The following PREX2 variants were observed in gnomAD, a reference collection of about 807,000 sequenced individuals.
The protein encoded by PREX2 is phosphatidylinositol-3,4,5-trisphosphate dependent Rac exchange factor 2.
A neutral mutation model predicts 203.2 loss-of-function variants in PREX2; 107 were observed. The ratio of observed to expected loss-of-function variants is 0.53; its 90% CI spans 0.45 to 0.62. The LOEUF (loss-of-function observed/expected upper bound fraction) is 0.62, where lower values mean the gene tolerates loss of function less well. Among genes scored for constraint, PREX2 ranks in the 20% least tolerant of loss-of-function variants. The pLI is 0.00. For synonymous variants in PREX2, 672 were observed against 663.6 expected (o/e 1.01, Z -0.19); for missense variants, 1,777 against 1,955.9 (o/e 0.91, Z 1.72).
At chr8:68,038,444 T>C in intron 7 of PREX2, 152 bp downstream of exon 7, 3 of 749,320 alleles carry the variant, frequency 4.0e-6, no homozygotes, top group South Asian at 4.0e-5. Flanking sequence ...TCTTCACATA[T>C]ATTCAGTCTG....
At chr8:68,153,426 C>CT (rs1163186250) in intron 34 of PREX2, among the ~76,000 whole-genome samples, 1 of 152,006 alleles carries the variant, frequency 6.6e-6, no homozygotes, top group Admixed American at 6.6e-5. Context: ...TTAGGTTTTC[C>CT]TTTTTTGCTG....
chr8:68,095,877 A>C (rs1810054809), intron 21 of PREX2, among the ~76,000 whole-genome samples: 1 of 152,068 alleles, frequency 6.6e-6, no homozygotes, highest in African/African-American at 2.4e-5. Flanking sequence ...TCTTGAGCTT[A>C]AGTGATCCTC....
At chr8:68,044,654 G>A in intron 8 of PREX2, 64 bp downstream of exon 8, 2 of 1,135,826 alleles carry the variant, frequency 1.8e-6, no homozygotes, top group South Asian at 1.3e-5. Context: ...TTGTAAGACA[G>A]ATTTCTCACT....
chr8:68,170,405 C>T (rs1466419606), intron 35 of PREX2, among the ~76,000 whole-genome samples: 1 of 152,234 alleles, frequency 6.6e-6, no homozygotes, highest in African/African-American at 2.4e-5. Context: ...CCGGCCAAGG[C>T]CACATGGCTG....
intron 23 of PREX2, chr8:68,105,160 A>T: frequency 7.3e-7 from 1 of 1,367,856 alleles, no homozygotes; most frequent in Non-Finnish European, 9.8e-7. Context: ...GAAAGGTTTT[A>T]CAATTTCACA....
chr8:68,060,692 T>C lies in PREX2; in HGVS notation c.1252T>C (p.Trp418Arg). 6.2e-7 allele frequency: 1 copy of C among 1,610,982 alleles called. No individual in the cohort carries two copies. The highest frequency in any genetic ancestry group is 8.5e-7 in the Non-Finnish European group (1 of 1,179,094). ...TTTCTCTTGCAGCGAATTTGTGTCA[T>C]GGCTGTTGGAAATTGGAGAGATTCA... Reference protein sequence around the residue: ...KCFLGSEFVSWLLEIGEIHRP... With the variant: ...KCFLGSEFVSRLLEIGEIHRP... The change falls in exon 11 of 40, where the codon TGG becomes CGG. Residue 418 changes from tryptophan (W) to arginine (R), a missense_variant. By Grantham distance (101) the Trp-to-Arg change is moderately radical. Coordinates refer to ENST00000288368, the MANE Select transcript of PREX2 (RefSeq NM_024870.4).
intron 37 of PREX2, among the ~76,000 whole-genome samples, chr8:68,193,597 T>C (rs1464159282): frequency 2.6e-5 from 4 of 152,034 alleles, no homozygotes; most frequent in African/African-American, 9.7e-5. Flanking sequence ...TTCAAAAATA[T>C]TAACAAAAAT....
Position 68,119,530 on chromosome 8 carries a change from T to C in PREX2, c.3504+16T>C. 1 of 1,592,016 alleles carries C rather than the reference T, an allele frequency of 6.3e-7. No individual in the cohort carries two copies. On this transcript the variant is annotated intron_variant, in intron 28 of 39. Coordinates refer to ENST00000288368, the MANE Select transcript of PREX2 (RefSeq NM_024870.4). ...TTTCAGCCAGGTACAATCGGGCATTTGTGGGGCTTTTGTTCCACAACTAAA... is the reference window on the plus strand; with the variant it reads ...TTTCAGCCAGGTACAATCGGGCATTCGTGGGGCTTTTGTTCCACAACTAAA...
At chr8:68,110,800 A>G (rs1810519176) in intron 25 of PREX2, 1 of 213,760 alleles carries the variant, frequency 4.7e-6, no homozygotes, top group Non-Finnish European at 9.6e-6. Flanking sequence ...TATTTTAAAA[A>G]TTATCCTCAA....
chr8:68,035,648 T>C (rs1457103579), intron 6 of PREX2, among the ~76,000 whole-genome samples: 1 of 152,134 alleles, frequency 6.6e-6, no homozygotes, highest in Non-Finnish European at 1.5e-5. Flanking sequence ...AGGATAATAT[T>C]TTTAGACAAA....
chr8:68,011,787 A>G (rs539299661), intron 1 of PREX2, among the ~76,000 whole-genome samples: 2 of 152,280 alleles, frequency 1.3e-5, no homozygotes, highest in South Asian at 4.1e-4. Context: ...TGTTAAAATA[A>G]TAATTTTGTA....
Position 68,099,677 on chromosome 8 carries a change from T to C in PREX2, c.2554-5T>C. Reference sequence around the variant, plus strand: ...GTGGGTGTGCGTGTGTGTTTGTCATTGCAGATTCTTGAAGCCCTGGCTAAA... The same window carrying C: ...GTGGGTGTGCGTGTGTGTTTGTCATCGCAGATTCTTGAAGCCCTGGCTAAA... On this transcript the variant is annotated splice_region_variant and splice_polypyrimidine_tract_variant and intron_variant, in intron 22 of 39. Coordinates refer to ENST00000288368, the MANE Select transcript of PREX2 (RefSeq NM_024870.4). 1 of 1,612,730 alleles carries C rather than the reference T, an allele frequency of 6.2e-7. No homozygotes were observed. Among genetic ancestry groups the C allele is most frequent in the Middle Eastern group, 1.7e-4 (1 of 6,060 alleles).
intron 11 of PREX2, among the ~76,000 whole-genome samples, chr8:68,066,210 T>C: frequency 6.6e-6 from 1 of 152,164 alleles, no homozygotes; most frequent in African/African-American, 2.4e-5. Context: ...CTTTGACATA[T>C]TGATTTTATT....
intron 1 of PREX2, among the ~76,000 whole-genome samples, chr8:67,975,272 GTTTTTTTTTTTT>G (rs75276095): frequency 1.8e-4 from 17 of 96,830 alleles, no homozygotes; most frequent in African/African-American, 6.8e-4. Flanking sequence ...CACACGGCCT[GTTTTTTTTTTTT>G]TTTTTTTTTT....
At chr8:68,131,886 T>C (rs143308499) in intron 31 of PREX2, among the ~76,000 whole-genome samples, 135 of 152,292 alleles carry the variant, frequency 8.9e-4, no homozygotes, top group African/African-American at 3.2e-3. Context: ...ATTTTCAAGG[T>C]ATGGGTGGGA....
intron 1 of PREX2, among the ~76,000 whole-genome samples, chr8:68,004,043 A>G (rs545757755): frequency 2.6e-5 from 4 of 152,046 alleles, no homozygotes; most frequent in Non-Finnish European, 5.9e-5. Flanking sequence ...TTTAATAGAG[A>G]CAGGGCTTCA....
At chr8:68,211,890 A>T (rs1812749060) in intron 37 of PREX2, among the ~76,000 whole-genome samples, 1 of 152,224 alleles carries the variant, frequency 6.6e-6, no homozygotes, top group Non-Finnish European at 1.5e-5. Context: ...TGCCACTGGA[A>T]AGCAACTGAA....
intron 12 of PREX2, among the ~76,000 whole-genome samples, 157 bp downstream of exon 12, chr8:68,069,293 A>G (rs573354707): frequency 1.3e-5 from 2 of 152,156 alleles, no homozygotes; most frequent in African/African-American, 4.8e-5. Context: ...TGGTATTTCA[A>G]GAATTCTAAC....
At chr8:68,144,399 GTAATATTTTAT>G (rs2129613621) in intron 33 of PREX2, among the ~76,000 whole-genome samples, 1 of 152,114 alleles carries the variant, frequency 6.6e-6, no homozygotes, top group East Asian at 1.9e-4. Context: ...TATAGATCTT[GTAATATTTTAT>G]TAAAGTTATA....
Sources: gnomAD v4.1 joint callset for allele counts (sites outside exome capture counted in the v4.1 genomes callset) on GRCh38, gnomAD v4.1.1 for gene constraint, MANE v1.5 for transcripts, NCBI Gene and HGNC (gene_info 2026-07-23, HGNC 2026-07-21) for gene names.